Variants in DDX10 observed in about 807,000 individuals in gnomAD.
DDX10 encodes probable ATP-dependent RNA helicase DDX10.
A neutral mutation model predicts 104.3 loss-of-function variants in DDX10; 74 were observed. The ratio of observed to expected loss-of-function variants is 0.71; its 90% CI spans 0.59 to 0.86. The LOEUF is 0.86. Among genes scored for constraint, DDX10 ranks in the 40% least tolerant of loss-of-function variants. The pLI, the probability that DDX10 is intolerant of heterozygous loss-of-function variation, is 0.00. For synonymous variants in DDX10, 351 were observed against 353.4 expected, an observed-to-expected ratio of 0.99 and a Z score of 0.08; for missense variants, 952 against 1,040.0, an observed-to-expected ratio of 0.92 and a Z score of 1.16.
chr11:108,739,954 G>A (rs7103086), intron 13 of DDX10, among the ~76,000 whole-genome samples: 70,929 of 149,760 alleles, frequency 0.47, 19,601 homozygotes, highest in Non-Finnish European at 0.61. Flanking sequence ...GTTTGTTTTC[G>A]TGAGAAGTTT....
rs566094635 is a variant in DDX10 at position 108,705,284 on chromosome 11, T to C, written c.1224-1455T>C. Among the ~76,000 whole-genome samples the C allele has an allele frequency of 3.3e-5, 5 of 152,340 alleles. No homozygotes were observed. In the South Asian group the frequency reaches 1.0e-3, roughly 32 times the overall value. Reference sequence around the variant, plus strand: ...GTAGTACCTTATTCTCTTCACTACTTTAGATGCTAATGACTTCCGGCTGCA... The same window carrying C: ...GTAGTACCTTATTCTCTTCACTACTCTAGATGCTAATGACTTCCGGCTGCA... On this transcript the variant is annotated intron_variant, in intron 9 of 17. Transcript: ENST00000322536.
chr11:108,720,491 A>T (rs2094296887), intron 12 of DDX10, among the ~76,000 whole-genome samples: 1 of 152,162 alleles, frequency 6.6e-6, no homozygotes. Context: ...TGTTTCTTAC[A>T]GGTACTCATA....
chr11:108,801,898 G>A (rs1862026159), intron 13 of DDX10, among the ~76,000 whole-genome samples: 1 of 151,380 alleles, frequency 6.6e-6, no homozygotes, highest in Non-Finnish European at 1.5e-5. Flanking sequence ...ATACAACATT[G>A]GAAAAAGAAA....
chr11:108,766,529 A>G (rs1484100041), intron 13 of DDX10, among the ~76,000 whole-genome samples: 1 of 152,122 alleles, frequency 6.6e-6, no homozygotes, highest in African/African-American at 2.4e-5. Flanking sequence ...AACACACACT[A>G]TGTGACGTGT....
chr11:108,930,306 C>T (rs1161282793), intron 17 of DDX10, among the ~76,000 whole-genome samples: 4 of 152,112 alleles, frequency 2.6e-5, no homozygotes, highest in Admixed American at 1.3e-4. Context: ...TTTAAGGTTC[C>T]GCTATATCTT....
intron 13 of DDX10, among the ~76,000 whole-genome samples, chr11:108,726,290 G>T (rs2094305360): frequency 4.6e-5 from 7 of 152,060 alleles, no homozygotes; most frequent in Admixed American, 4.6e-4. Flanking sequence ...TGACTTCATT[G>T]AGGTTGCATT....
At chr11:108,855,223 A>C (rs1194505398) in intron 16 of DDX10, among the ~76,000 whole-genome samples, 1 of 152,202 alleles carries the variant, frequency 6.6e-6, no homozygotes, top group Non-Finnish European at 1.5e-5. Flanking sequence ...TGATCAATAG[A>C]CCACATTGCT....
intron 13 of DDX10, among the ~76,000 whole-genome samples, chr11:108,735,034 T>C (rs926721246): frequency 1.3e-5 from 2 of 152,218 alleles, no homozygotes; most frequent in Non-Finnish European, 2.9e-5. Context: ...GATTCAACTT[T>C]CACATTTCTT....
chr11:108,743,137 A>G (rs765518749), intron 13 of DDX10, among the ~76,000 whole-genome samples: 1 of 152,154 alleles, frequency 6.6e-6, no homozygotes, highest in Non-Finnish European at 1.5e-5. Flanking sequence ...TCAACAATAT[A>G]CTAGCAAACT....
At chr11:108,911,076 C>G (rs1361490099) in intron 16 of DDX10, among the ~76,000 whole-genome samples, 1 of 152,154 alleles carries the variant, frequency 6.6e-6, no homozygotes, top group South Asian at 2.1e-4. Flanking sequence ...ATTGACTGCT[C>G]CCCAGAAATA....
rs943226339 is a variant in DDX10, at chr11:108,940,890, G to C, written c.*467G>C. The C allele has an allele frequency of 3.5e-5, 7 of 197,354 alleles. No homozygotes were observed. The Admixed American group carries it at 4.2e-4, about 12-fold the overall frequency. The allele number at this position is 197,354 out of a possible 1,614,324, so 12.2% of individuals were successfully genotyped here. On this transcript the variant is annotated 3_prime_UTR_variant, in exon 18 of 18. Coordinates refer to ENST00000322536, the MANE Select transcript of DDX10 (RefSeq NM_004398.4). ...GAGAAAGAATGAGTATTTTTGAATT[G>C]AGATGATCAATAATAAACATATTTC...
intron 16 of DDX10, among the ~76,000 whole-genome samples, chr11:108,870,659 T>C (rs964587373): frequency 2.6e-5 from 4 of 152,192 alleles, no homozygotes; most frequent in African/African-American, 9.6e-5. Context: ...TGATGCAAAA[T>C]AGCAACCTCC....
intron 16 of DDX10, among the ~76,000 whole-genome samples, chr11:108,891,719 A>G (rs188710411): frequency 2.0e-5 from 3 of 152,262 alleles, no homozygotes; most frequent in Non-Finnish European, 4.4e-5. Context: ...CCTCTAAAGT[A>G]TGCTACACGT....
intron 13 of DDX10, among the ~76,000 whole-genome samples, chr11:108,795,980 A>AT (rs896044065): frequency 5.9e-5 from 9 of 151,562 alleles, no homozygotes; most frequent in South Asian, 4.2e-4. Flanking sequence ...TAACAAATTG[A>AT]TTTTTTTTTC....
intron 13 of DDX10, among the ~76,000 whole-genome samples, chr11:108,770,838 T>A (rs1377615399): frequency 6.6e-6 from 1 of 152,170 alleles, no homozygotes; most frequent in African/African-American, 2.4e-5. Flanking sequence ...CTCTGATATA[T>A]TTCCTTTCCT....
At chr11:108,936,018 C>T (rs1591132567) in intron 17 of DDX10, among the ~76,000 whole-genome samples, 1 of 152,166 alleles carries the variant, frequency 6.6e-6, no homozygotes, top group East Asian at 1.9e-4. Flanking sequence ...AATCCCACAA[C>T]TTAGTCTTTG....
chr11:108,677,334 T>C, intron 4 of DDX10, 91 bp downstream of exon 4: 1 of 1,202,740 alleles, frequency 8.3e-7, no homozygotes, highest in Non-Finnish European at 1.2e-6. Context: ...AGACTTCATC[T>C]AAACAGACTG....
At chr11:108,836,498 A>C (rs1202041980) in intron 13 of DDX10, among the ~76,000 whole-genome samples, 1 of 151,914 alleles carries the variant, frequency 6.6e-6, no homozygotes, top group Admixed American at 6.6e-5. Flanking sequence ...TTGCTTATTT[A>C]TTTATTGAGA....
chr11:108,875,752 G>T (rs576152849), intron 16 of DDX10, among the ~76,000 whole-genome samples: 1 of 152,104 alleles, frequency 6.6e-6, no homozygotes, highest in Non-Finnish European at 1.5e-5. Context: ...CACGTTTCGC[G>T]GTCCTGTTGA....
Sources: gnomAD v4.1 joint callset for allele counts (sites outside exome capture counted in the v4.1 genomes callset) on GRCh38, gnomAD v4.1.1 for gene constraint, MANE v1.5 for transcripts, NCBI Gene and HGNC (gene_info 2026-07-23, HGNC 2026-07-21) for gene names.